MAD1L1: variants seen among roughly 807,000 people sequenced by gnomAD.
MAD1L1 encodes mitotic arrest deficient 1 like 1.
A neutral mutation model predicts 96.9 loss-of-function variants in MAD1L1; 95 were observed. The observed-to-expected ratio is 0.98, with a 90% CI of 0.83 to 1.16. MAD1L1 has a LOEUF of 1.16. Ranked by LOEUF, MAD1L1 falls within the 50% of genes most tolerant of loss-of-function variation. The pLI is 0.00. For missense variants in MAD1L1, 1,007 were observed against 954.4 expected (o/e 1.06, Z -0.73); for synonymous variants, 473 against 396.6 (o/e 1.19, Z -2.29).
At chr7:2,118,795 C>T (rs1005810356) in intron 11 of MAD1L1, among the ~76,000 whole-genome samples, 13 of 152,320 alleles carry the variant, frequency 8.5e-5, no homozygotes, top group African/African-American at 2.6e-4. Context: ...CCAAAAGCCA[C>T]GTCATATCTC....
chr7:2,221,196 T>C (rs1793587945), intron 5 of MAD1L1, among the ~76,000 whole-genome samples: 1 of 151,992 alleles, frequency 6.6e-6, no homozygotes, highest in South Asian at 2.1e-4. Context: ...AGTCTCCTGC[T>C]CCTCTGCCCC....
chr7:1,920,708 A>T (rs1444135400), intron 17 of MAD1L1, among the ~76,000 whole-genome samples: 1 of 152,180 alleles, frequency 6.6e-6, no homozygotes, highest in East Asian at 1.9e-4. Context: ...AGAGGACAGG[A>T]GGTCTTCCCA....
At chr7:2,174,535 G>C (rs11762508) in intron 10 of MAD1L1, among the ~76,000 whole-genome samples, 49,432 of 152,054 alleles carry the variant, frequency 0.33, 8,711 homozygotes, top group East Asian at 0.56. Flanking sequence ...GTTTCTTTGC[G>C]GTACTTGTTG....
chr7:1,839,547 C>T (rs938325642), intron 18 of MAD1L1, among the ~76,000 whole-genome samples: 13 of 152,178 alleles, frequency 8.5e-5, no homozygotes, highest in African/African-American at 2.7e-4. Context: ...AACAGAATGT[C>T]GTGGAGAACT....
intron 11 of MAD1L1, among the ~76,000 whole-genome samples, chr7:2,072,123 C>A (rs891840012): frequency 6.6e-6 from 1 of 152,160 alleles, no homozygotes; most frequent in Non-Finnish European, 1.5e-5. Context: ...ACCTGCGGCT[C>A]GCGACCAGCA....
At chr7:2,000,145 C>T (rs1286111187) in intron 14 of MAD1L1, among the ~76,000 whole-genome samples, 1 of 152,158 alleles carries the variant, frequency 6.6e-6, no homozygotes, top group African/African-American at 2.4e-5. Flanking sequence ...CCACACTTCA[C>T]CCTCAATCTC....
At chr7:1,863,257 C>T (rs189766466) in intron 18 of MAD1L1, among the ~76,000 whole-genome samples, 37 of 152,378 alleles carry the variant, frequency 2.4e-4, no homozygotes, top group African/African-American at 8.7e-4. Context: ...GGGTGCGGCT[C>T]ATCAGGCCCG....
chr7:2,203,805 C>T (rs1792442781), intron 10 of MAD1L1, among the ~76,000 whole-genome samples: 1 of 152,242 alleles, frequency 6.6e-6, no homozygotes, highest in Non-Finnish European at 1.5e-5. Flanking sequence ...ACAGGAAACT[C>T]ATCAGGCATT....
intron 14 of MAD1L1, among the ~76,000 whole-genome samples, chr7:1,997,977 C>CCCA (rs3996326): frequency 0.98 from 149,902 of 152,238 alleles, 73,846 homozygotes; most frequent in Non-Finnish European, 1. Flanking sequence ...GGGCAATCCT[C>CCCA]CCACCAAATT....
Position 2,007,480 on chromosome 7 carries a change from G to C in MAD1L1, c.1360-5359C>G, listed in dbSNP as rs182339672. 4.0e-5 allele frequency among the ~76,000 whole-genome samples: 6 copies of C among 149,786 alleles called. No individual in the cohort carries two copies. The East Asian group carries it at 1.2e-3, about 30-fold the overall frequency. On this transcript the variant is annotated intron_variant, in intron 13 of 18. Transcript: ENST00000265854. The stretch of plus-strand genomic sequence containing the variant: ...GTGGATCACCTGAAGTCAGGAGTTT[G>C]AGACCAGCCTGGCCAACATGGTGAA...
At chr7:1,817,532 C>CCAGT (rs1781879994) in intron 18 of MAD1L1, 1 of 152,224 alleles carries the variant, frequency 6.6e-6, no homozygotes. Context: ...ACACGCCCAG[C>CCAGT]CAGTCACAGA....
intron 11 of MAD1L1, among the ~76,000 whole-genome samples, chr7:2,110,787 C>T (rs115546323): frequency 3.5e-4 from 54 of 152,320 alleles, no homozygotes; most frequent in African/African-American, 1.3e-3. Flanking sequence ...GCGGTCCGAG[C>T]AGGGAATTCC....
In MAD1L1 at chr7:1,998,933, C is replaced by T. The variant is rs1584034001; in HGVS notation, c.1416+3132G>A. 2.0e-5 allele frequency among the ~76,000 whole-genome samples: 3 copies of T among 151,058 alleles called. No individual in the cohort carries two copies. In the East Asian group the frequency reaches 5.8e-4, roughly 29 times the overall value. On this transcript the variant is annotated intron_variant, in intron 14 of 18. Transcript: ENST00000265854. ...CAGACCCCACAGTCCACAGACCCCACAGTCCACAGAGTCCCCTAACCCCAC... is the reference window on the plus strand; with the variant it reads ...CAGACCCCACAGTCCACAGACCCCATAGTCCACAGAGTCCCCTAACCCCAC...
chr7:1,864,774 G>C (rs1784700492), intron 18 of MAD1L1, among the ~76,000 whole-genome samples: 1 of 152,120 alleles, frequency 6.6e-6, no homozygotes, highest in African/African-American at 2.4e-5. Context: ...TCCCACTGTT[G>C]GGAGAGCCTG....
chr7:1,926,412 A>G (rs1490468215), intron 17 of MAD1L1, among the ~76,000 whole-genome samples: 1 of 152,280 alleles, frequency 6.6e-6, no homozygotes, highest in Non-Finnish European at 1.5e-5. Context: ...TACTACAACC[A>G]GACAAGGGCA....
intron 18 of MAD1L1, among the ~76,000 whole-genome samples, chr7:1,897,882 G>GAC (rs1452792034): frequency 2.0e-5 from 3 of 152,216 alleles, no homozygotes; most frequent in Non-Finnish European, 4.4e-5. Context: ...TGGACACACT[G>GAC]ACACACACGC....
At chr7:1,931,184 CG>C (rs1407304255) in intron 17 of MAD1L1, among the ~76,000 whole-genome samples, 1 of 111,692 alleles carries the variant, frequency 9.0e-6, no homozygotes, top group East Asian at 2.5e-4. Flanking sequence ...GGAGCGAGGG[CG>C]CGTCGTGGGG....
In MAD1L1 at chr7:1,838,713, A is replaced by C. The variant is rs142867482; in HGVS notation, c.1999-22485T>G. The C allele has an allele frequency of 5.7e-3, 2,636 of 466,152 alleles. 51 individuals carry two copies. The highest frequency in any genetic ancestry group is 0.047 in the African/African-American group (2,368 of 50,094). 28.9% of individuals were successfully genotyped at this position (466,152 alleles called of 1,614,324 possible). A position where few individuals can be genotyped will look rare whatever the true frequency, so the allele number is the denominator to read the frequency against. On this transcript the variant is annotated intron_variant, in intron 18 of 18. Coordinates refer to ENST00000265854, the MANE Select transcript of MAD1L1 (RefSeq NM_001013836.2). ...GGGGCACGTTTCCTTCCAGGGTGAT[A>C]AAGGCATTCATTCCAAGATAGACTG...
At chr7:2,173,149 A>G (rs897139642) in intron 10 of MAD1L1, among the ~76,000 whole-genome samples, 1 of 152,090 alleles carries the variant, frequency 6.6e-6, no homozygotes, top group Non-Finnish European at 1.5e-5. Context: ...AGAAGCAAAC[A>G]CTCTAAGTTA....
Sources: gnomAD v4.1 joint callset for allele counts (sites outside exome capture counted in the v4.1 genomes callset) on GRCh38, gnomAD v4.1.1 for gene constraint, MANE v1.5 for transcripts, NCBI Gene and HGNC (gene_info 2026-07-23, HGNC 2026-07-21) for gene names.